TACR3: variants seen among roughly 807,000 people sequenced by gnomAD.
TACR3 encodes neuromedin-K receptor.
Under a neutral mutation model 35.0 loss-of-function variants are expected in TACR3, and 34 were observed. That is an observed-to-expected ratio of 0.97 (90% CI 0.74 to 1.30). The LOEUF is 1.30. Among genes scored for constraint, TACR3 ranks in the 50% most tolerant of loss-of-function variants. The pLI is 0.00. For missense variants in TACR3, 558 were observed against 591.7 expected (o/e 0.94, Z 0.59); for synonymous variants, 233 against 221.1 (o/e 1.05, Z -0.48).
chr4:103,637,931 A>G (rs1167331679), intron 3 of TACR3, among the ~76,000 whole-genome samples: 4 of 152,184 alleles, frequency 2.6e-5, no homozygotes, highest in South Asian at 2.1e-4. Flanking sequence ...GCTCAATGAA[A>G]TAAAAGGGGG....
chr4:103,650,698 T>TA (rs1389871013), intron 3 of TACR3, among the ~76,000 whole-genome samples: 1,933 of 10,544 alleles, frequency 0.18, 195 homozygotes, highest in African/African-American at 0.48. Context: ...ATAATATATA[T>TA]TTATATATAT....
At chr4:103,697,373 G>T (rs1011884306) in intron 1 of TACR3, among the ~76,000 whole-genome samples, 3 of 150,944 alleles carry the variant, frequency 2.0e-5, no homozygotes, top group Admixed American at 2.0e-4. Context: ...ATGTTGTTGG[G>T]GGCACTTGTG....
chr4:103,667,442 T>C (rs1476953261), intron 1 of TACR3, among the ~76,000 whole-genome samples: 2 of 152,182 alleles, frequency 1.3e-5, no homozygotes, highest in Non-Finnish European at 2.9e-5. Flanking sequence ...TAGCTAATAC[T>C]AATTTATTGT....
At chr4:103,655,412 A>G (rs1725711517) in intron 3 of TACR3, among the ~76,000 whole-genome samples, 2 of 151,976 alleles carry the variant, frequency 1.3e-5, no homozygotes, top group South Asian at 4.1e-4. Flanking sequence ...CTTTGATAAA[A>G]CCTCTCCAAG....
At chr4:103,653,868 CT>C (rs1725675915) in intron 3 of TACR3, among the ~76,000 whole-genome samples, 1 of 152,110 alleles carries the variant, frequency 6.6e-6, no homozygotes, top group Non-Finnish European at 1.5e-5. Context: ...CAAACAACCC[CT>C]TCAAAAAGTG....
chr4:103,665,324 T>C (rs969019885), intron 1 of TACR3, among the ~76,000 whole-genome samples: 1 of 151,948 alleles, frequency 6.6e-6, no homozygotes, highest in Non-Finnish European at 1.5e-5. Flanking sequence ...TATAATAGGA[T>C]ATTATCTGTC....
At chr4:103,667,188 G>A (rs1053436136) in intron 1 of TACR3, among the ~76,000 whole-genome samples, 1 of 152,130 alleles carries the variant, frequency 6.6e-6, no homozygotes, top group East Asian at 1.9e-4. Context: ...AACCCAGGAG[G>A]CGGAGGTTGC....
At chr4:103,676,687 C>G (rs1457055438) in intron 1 of TACR3, among the ~76,000 whole-genome samples, 3 of 152,038 alleles carry the variant, frequency 2.0e-5, no homozygotes, top group African/African-American at 7.3e-5. Flanking sequence ...GAAACTGGAC[C>G]CCTTCCTTAC....
At chr4:103,685,964 T>C (rs1391588841) in intron 1 of TACR3, among the ~76,000 whole-genome samples, 1 of 152,168 alleles carries the variant, frequency 6.6e-6, no homozygotes, top group African/African-American at 2.4e-5. Flanking sequence ...GTGAAAAGAA[T>C]GGATAAACTC....
At chr4:103,664,811 CTT>C (rs1431517329) in intron 1 of TACR3, among the ~76,000 whole-genome samples, 2 of 151,754 alleles carry the variant, frequency 1.3e-5, no homozygotes, top group South Asian at 4.2e-4. Context: ...CTTTTCTATT[CTT>C]TGTTTGTTTG....
At chr4:103,626,517 T>C (rs1724895930) in intron 3 of TACR3, among the ~76,000 whole-genome samples, 2 of 152,126 alleles carry the variant, frequency 1.3e-5, no homozygotes, top group Admixed American at 1.3e-4. Flanking sequence ...CAGGAATGTG[T>C]GTCGGTTAGC....
chr4:103,629,364 A>G (rs1724989602), intron 3 of TACR3, among the ~76,000 whole-genome samples: 1 of 152,146 alleles, frequency 6.6e-6, no homozygotes, highest in African/African-American at 2.4e-5. Flanking sequence ...CTGTTTTCAG[A>G]TGACATGATT....
chr4:103,687,038 C>G (rs1436949266), intron 1 of TACR3, among the ~76,000 whole-genome samples: 3 of 152,124 alleles, frequency 2.0e-5, no homozygotes, highest in Admixed American at 1.3e-4. Flanking sequence ...CATCAAAAAG[C>G]TTATCCACCA....
chr4:103,717,793 A>T (rs1723123234), intron 1 of TACR3, among the ~76,000 whole-genome samples: 1 of 147,914 alleles, frequency 6.8e-6, no homozygotes, highest in Non-Finnish European at 1.5e-5. Flanking sequence ...AGGCAATTTC[A>T]CTTATTTCCC....
Position 103,591,394 on chromosome 4 carries a change from T to G in TACR3, c.1085+93A>C, listed in dbSNP as rs904214915. On this transcript the variant is annotated intron_variant, in intron 4 of 4. Coordinates refer to ENST00000304883, the MANE Select transcript of TACR3 (RefSeq NM_001059.3). ...CTTAAATTTTCCCTTCCTTCTGCAT[T>G]TTGAATTTGAACCAAGAAAATGGAA... 2.3e-5 allele frequency: 35 copies of G among 1,497,518 alleles called. No individual in the cohort carries two copies. In the Admixed American group the frequency reaches 5.9e-4, roughly 25 times the overall value. The allele number at this position is 1,497,518 out of a possible 1,614,324, so 92.8% of individuals were successfully genotyped here.
At position 103,589,670 on chromosome 4, in the gene TACR3, C is replaced by T; in HGVS notation, c.*12G>A. The T allele has an allele frequency of 6.2e-7, 1 of 1,613,656 alleles. No homozygotes were observed. ...ATGGTCTCACACTAATCTTTTACCT[C>T]AGGAAATGGAATTAAGAATATTCAT... On this transcript the variant is annotated 3_prime_UTR_variant, in exon 5 of 5. Transcript: ENST00000304883.
chr4:103,662,055 T>C (rs1398049282), intron 1 of TACR3, among the ~76,000 whole-genome samples: 1 of 152,092 alleles, frequency 6.6e-6, no homozygotes, highest in Admixed American at 6.5e-5. Flanking sequence ...AGTGTATACA[T>C]GAACTGAGAA....
chr4:103,588,102 T>G lies in TACR3; in HGVS notation c.*1580A>C, dbSNP rs529053723. The stretch of plus-strand genomic sequence containing the variant: ...TTGTAACAATTGGATATTTCTGGTT[T>G]TGGCTTCAAAATAGGGAAGAGATTT... On this transcript the variant is annotated 3_prime_UTR_variant, in exon 5 of 5. Coordinates refer to ENST00000304883, the MANE Select transcript of TACR3 (RefSeq NM_001059.3). 2.0e-5 allele frequency: 3 copies of G among 152,104 alleles called. No individual in the cohort carries two copies. The highest frequency in any genetic ancestry group is 6.6e-5 in the Admixed American group (1 of 15,246). The allele number at this position is 152,104 out of a possible 1,614,324, so 9.4% of individuals were successfully genotyped here. A position where few individuals can be genotyped will look rare whatever the true frequency, so the allele number is the denominator to read the frequency against.
At chr4:103,597,233 T>A (rs1391289843) in intron 3 of TACR3, among the ~76,000 whole-genome samples, 1 of 150,512 alleles carries the variant, frequency 6.6e-6, no homozygotes, top group Non-Finnish European at 1.5e-5. Context: ...GTAAAAGTGT[T>A]CCTATTTCTC....
Sources: allele counts gnomAD v4.1 joint callset (sites outside exome capture counted in the v4.1 genomes callset), GRCh38; gene constraint gnomAD v4.1.1; transcripts MANE v1.5; gene names NCBI Gene and HGNC (gene_info 2026-07-23, HGNC 2026-07-21).